ARSB: variants seen among roughly 807,000 people sequenced by gnomAD.
ARSB encodes the protein arylsulfatase B.
A neutral mutation model predicts 50.9 loss-of-function variants in ARSB; 41 were observed. The observed-to-expected ratio is 0.81, with a 90% CI of 0.63 to 1.04. The LOEUF is 1.04. Ranked by LOEUF, ARSB falls within the 50% of genes least tolerant of loss-of-function variation. The probability of loss-of-function intolerance (pLI) is 0.00; values close to 1 mark genes in which losing one functional copy is unlikely to be tolerated. For missense variants in ARSB, 672 were observed against 693.3 expected (o/e 0.97, Z 0.35); for synonymous variants, 269 against 284.8 (o/e 0.94, Z 0.56).
At chr5:78,862,630 C>T (rs1187023332) in intron 5 of ARSB, among the ~76,000 whole-genome samples, 4 of 152,148 alleles carry the variant, frequency 2.6e-5, no homozygotes, top group African/African-American at 9.7e-5. Flanking sequence ...AAATGTTTGA[C>T]CTAAAACCAT....
intron 4 of ARSB, among the ~76,000 whole-genome samples, chr5:78,907,831 T>C (rs138820576): frequency 1.3e-5 from 2 of 152,288 alleles, no homozygotes; most frequent in Non-Finnish European, 2.9e-5. Flanking sequence ...TTTGGATTTC[T>C]AGCTTTAAAT....
chr5:78,826,932 C>T (rs1303872352), intron 6 of ARSB, among the ~76,000 whole-genome samples: 1 of 152,134 alleles, frequency 6.6e-6, no homozygotes, highest in Non-Finnish European at 1.5e-5. Flanking sequence ...CATTAGGAAT[C>T]ACCTATGACA....
intron 1 of ARSB, among the ~76,000 whole-genome samples, chr5:78,974,672 T>C (rs1217132841): frequency 6.6e-6 from 1 of 152,250 alleles, no homozygotes; most frequent in African/African-American, 2.4e-5. Context: ...TCCAAACTTA[T>C]TTCCTTATTT....
At chr5:78,847,937 G>A (rs981233562) in intron 5 of ARSB, among the ~76,000 whole-genome samples, 1 of 151,774 alleles carries the variant, frequency 6.6e-6, no homozygotes, top group Non-Finnish European at 1.5e-5. Flanking sequence ...ATTTTATTTG[G>A]ACCATTTACA....
At chr5:78,945,953 C>T (rs1221327278) in intron 4 of ARSB, among the ~76,000 whole-genome samples, 1 of 152,196 alleles carries the variant, frequency 6.6e-6, no homozygotes, top group African/African-American at 2.4e-5. Flanking sequence ...GGGCTTCATC[C>T]TAATATTCCC....
intron 4 of ARSB, among the ~76,000 whole-genome samples, chr5:78,922,539 A>C (rs533986298): frequency 6.6e-6 from 1 of 152,040 alleles, no homozygotes; most frequent in Non-Finnish European, 1.5e-5. Flanking sequence ...CTGAATAGTC[A>C]GCAGCAATAC....
intron 4 of ARSB, among the ~76,000 whole-genome samples, chr5:78,927,970 A>C (rs192070783): frequency 1.3e-5 from 2 of 152,346 alleles, no homozygotes; most frequent in Non-Finnish European, 2.9e-5. Context: ...CAAGAGACCA[A>C]GGCAGCCAGG....
Position 78,924,985 on chromosome 5 carries a change from T to C in ARSB, c.898+30310A>G, listed in dbSNP as rs1749981159. Among the ~76,000 whole-genome samples the C allele has an allele frequency of 2.6e-5, 4 of 152,332 alleles. No homozygotes were observed. The South Asian group carries it at 8.3e-4, about 32-fold the overall frequency. ...GCAAACATATTCTCAAAGTTCCATA[T>C]GTTTTTCAAGGCCTCAATGCTTAAG... On this transcript the variant is annotated intron_variant, in intron 4 of 7. Transcript: ENST00000264914.
rs983599912 is a variant in ARSB at position 78,984,720 on chromosome 5, G to C, written c.312+217C>G. On this transcript the variant is annotated intron_variant, in intron 1 of 7. Transcript: ENST00000264914. The stretch of plus-strand genomic sequence containing the variant: ...CGCCCAACCCGGCGGCCGGGGCGCG[G>C]GTCCGCGGGGCGCCAGAGCCGGGCA... Among the ~76,000 whole-genome samples, 296 of 152,140 alleles carry C rather than the reference G, an allele frequency of 1.9e-3. 1 individual carries two copies. Among genetic ancestry groups the C allele is most frequent in the African/African-American group, 6.9e-3 (285 of 41,538 alleles).
At chr5:78,889,020 C>T (rs548812879) in intron 4 of ARSB, among the ~76,000 whole-genome samples, 46 of 152,354 alleles carry the variant, frequency 3.0e-4, no homozygotes, top group African/African-American at 9.1e-4. Flanking sequence ...AGTTCAGCTT[C>T]GCCTGTCCTT....
chr5:78,897,425 CA>C (rs1380438438), intron 4 of ARSB, among the ~76,000 whole-genome samples: 1 of 152,204 alleles, frequency 6.6e-6, no homozygotes, highest in Admixed American at 6.5e-5. Context: ...ACCTCTCTTT[CA>C]AGAGGCTTCA....
At chr5:78,803,611 G>C (rs561468602) in intron 6 of ARSB, among the ~76,000 whole-genome samples, 50 of 152,310 alleles carry the variant, frequency 3.3e-4, no homozygotes, top group African/African-American at 1.1e-3. Context: ...TGGCATCCAA[G>C]TTCCCACAGA....
intron 5 of ARSB, among the ~76,000 whole-genome samples, chr5:78,860,426 C>G (rs1031444473): frequency 2.0e-5 from 3 of 152,140 alleles, no homozygotes; most frequent in African/African-American, 7.2e-5. Context: ...GACCACAGTG[C>G]AATTAAATTA....
At chr5:78,979,073 T>C (rs1331741170) in intron 1 of ARSB, among the ~76,000 whole-genome samples, 2 of 152,148 alleles carry the variant, frequency 1.3e-5, no homozygotes, top group East Asian at 3.8e-4. Flanking sequence ...TTGCAAATAA[T>C]CTATCTAGTA....
chr5:78,882,998 G>C (rs1207607206), intron 5 of ARSB: 1 of 151,916 alleles, frequency 6.6e-6, no homozygotes, highest in Non-Finnish European at 1.5e-5. Context: ...TGGCCAGGCT[G>C]GTCTTGAACT....
chr5:78,978,217 T>C (rs910229054), intron 1 of ARSB, among the ~76,000 whole-genome samples: 4 of 151,858 alleles, frequency 2.6e-5, no homozygotes, highest in Admixed American at 1.3e-4. Context: ...TGGGTGCCTA[T>C]AGTCCCAGCT....
chr5:78,821,875 T>C (rs1376893073), intron 6 of ARSB, among the ~76,000 whole-genome samples: 1 of 152,238 alleles, frequency 6.6e-6, no homozygotes, highest in Non-Finnish European at 1.5e-5. Context: ...GCTGATGCCA[T>C]TATGGAAACT....
intron 4 of ARSB, among the ~76,000 whole-genome samples, chr5:78,938,453 C>T (rs1049228825): frequency 2.6e-5 from 4 of 152,108 alleles, no homozygotes; most frequent in Admixed American, 6.5e-5. Context: ...CTATGATAGA[C>T]GCGCCAAATA....
chr5:78,840,108 A>G lies in ARSB; in HGVS notation c.1143-682T>C, dbSNP rs556352545. Among the ~76,000 whole-genome samples the G allele has an allele frequency of 3.9e-5, 6 of 152,338 alleles. No individual in the cohort carries two copies. In the South Asian group the frequency reaches 1.2e-3, roughly 32 times the overall value. On this transcript the variant is annotated intron_variant, in intron 5 of 7. Transcript: ENST00000264914. ...TATTGGGTTGTGTGACTCTCAAAGC[A>G]GTGTTCTTAAGAAATTGGGAGCATA...
Sources: allele counts gnomAD v4.1 joint callset (sites outside exome capture counted in the v4.1 genomes callset), GRCh38; gene constraint gnomAD v4.1.1; transcripts MANE v1.5; gene names NCBI Gene and HGNC (gene_info 2026-07-23, HGNC 2026-07-21).